SYN3: variants seen among roughly 807,000 people sequenced by gnomAD.
The protein encoded by SYN3 is synapsin-3.
A neutral mutation model predicts 65.8 loss-of-function variants in SYN3; 35 were observed. The observed-to-expected ratio is 0.53, with a 90% CI of 0.41 to 0.70. The LOEUF (loss-of-function observed/expected upper bound fraction) is 0.70, where lower values mean the gene tolerates loss of function less well. SYN3 is among the 30% of genes least tolerant of loss of function. The probability of loss-of-function intolerance (pLI) is 0.00; values close to 1 mark genes in which losing one functional copy is unlikely to be tolerated. For missense variants in SYN3, 680 were observed against 749.0 expected, an observed-to-expected ratio of 0.91 and a Z score of 1.08; for synonymous variants, 270 against 292.9, an observed-to-expected ratio of 0.92 and a Z score of 0.80.
At chr22:32,672,187 G>A (rs1044321403) in intron 6 of SYN3, among the ~76,000 whole-genome samples, 5 of 152,106 alleles carry the variant, frequency 3.3e-5, no homozygotes, top group Admixed American at 6.5e-5. Flanking sequence ...GATCCCCAGG[G>A]AGCTGCATTT....
intron 6 of SYN3, among the ~76,000 whole-genome samples, chr22:32,722,896 T>A (rs28413977): frequency 0.27 from 41,264 of 152,098 alleles, 6,095 homozygotes; most frequent in Middle Eastern, 0.39. Context: ...ATGGGAATAA[T>A]AATAAAAGCC....
At chr22:32,858,569 A>G (rs1165608685) in intron 6 of SYN3, among the ~76,000 whole-genome samples, 1 of 152,166 alleles carries the variant, frequency 6.6e-6, no homozygotes, top group Non-Finnish European at 1.5e-5. Flanking sequence ...ACCAGATGCT[A>G]CAGAAGGTCT....
intron 1 of SYN3, among the ~76,000 whole-genome samples, chr22:33,052,315 C>A (rs1020160184): frequency 6.6e-6 from 1 of 152,150 alleles, no homozygotes; most frequent in Admixed American, 6.5e-5. Context: ...GGGCTGTGCC[C>A]GTCCCCGGTG....
At chr22:32,832,851 C>G (rs1318045614) in intron 6 of SYN3, among the ~76,000 whole-genome samples, 1 of 152,018 alleles carries the variant, frequency 6.6e-6, no homozygotes, top group Non-Finnish European at 1.5e-5. Context: ...CCTCAGCCTC[C>G]CAAGTAGCTG....
chr22:32,757,330 T>C (rs1237124646), intron 6 of SYN3, among the ~76,000 whole-genome samples: 1 of 149,066 alleles, frequency 6.7e-6, no homozygotes, highest in African/African-American at 2.5e-5. Flanking sequence ...GGAGTTTTGC[T>C]CTTCTTGCCC....
intron 6 of SYN3, among the ~76,000 whole-genome samples, chr22:32,761,496 C>T (rs973978639): frequency 6.6e-6 from 1 of 152,214 alleles, no homozygotes; most frequent in African/African-American, 2.4e-5. Flanking sequence ...GGGGGGACAA[C>T]AGCAAGGTCA....
chr22:33,025,917 G>T (rs1394917982), intron 1 of SYN3, among the ~76,000 whole-genome samples: 1 of 152,138 alleles, frequency 6.6e-6, no homozygotes, highest in African/African-American at 2.4e-5. Flanking sequence ...ATAGTGACCA[G>T]TTTTGAACCA....
intron 10 of SYN3, among the ~76,000 whole-genome samples, chr22:32,530,952 G>A (rs950709166): frequency 5.9e-5 from 9 of 151,758 alleles, no homozygotes; most frequent in Non-Finnish European, 1.2e-4. Flanking sequence ...AGGTTGCAGT[G>A]AGCCAAGTTG....
chr22:33,008,486 C>T (rs1457702178), intron 1 of SYN3, among the ~76,000 whole-genome samples: 3 of 152,120 alleles, frequency 2.0e-5, no homozygotes, highest in Admixed American at 6.5e-5. Context: ...ATATATTATG[C>T]TTTTGTTAAT....
intron 6 of SYN3, among the ~76,000 whole-genome samples, chr22:32,615,394 A>T (rs1298368764): frequency 3.6e-5 from 5 of 139,202 alleles, no homozygotes; most frequent in Non-Finnish European, 6.0e-5. Context: ...AGGTTGTGTC[A>T]CTGCACTCCG....
intron 6 of SYN3, among the ~76,000 whole-genome samples, chr22:32,623,379 A>T (rs934878586): frequency 6.6e-6 from 1 of 152,050 alleles, no homozygotes; most frequent in Non-Finnish European, 1.5e-5. Context: ...TATTTTTTGT[A>T]GTGATGGGGT....
In SYN3 at chr22:32,508,277, A is replaced by T. The variant is rs1346361567; in HGVS notation, c.*5415T>A. Among the ~76,000 whole-genome samples, 1 of 152,082 alleles carries T rather than the reference A, an allele frequency of 6.6e-6. No individual in the cohort carries two copies. The highest frequency in any genetic ancestry group is 1.5e-5 in the Non-Finnish European group (1 of 68,018). The stretch of plus-strand genomic sequence containing the variant: ...GTAAATTTCCTTCTTCTGGCTCAGA[A>T]GCTCCCGCACTGAGCACCTTGTGAC... On this transcript the variant is annotated 3_prime_UTR_variant, in exon 14 of 14. Transcript: ENST00000358763.
intron 1 of SYN3, among the ~76,000 whole-genome samples, chr22:33,028,840 A>G (rs539393022): frequency 3.5e-4 from 53 of 152,222 alleles, no homozygotes; most frequent in South Asian, 6.2e-4. Flanking sequence ...GGAGATCGAG[A>G]CCATCCTGGC....
intron 3 of SYN3, among the ~76,000 whole-genome samples, chr22:32,963,715 C>T (rs1396086848): frequency 2.0e-5 from 3 of 152,076 alleles, no homozygotes; most frequent in Admixed American, 6.6e-5. Context: ...GGTGAGAAAA[C>T]GAGGCTGGTG....
At chr22:32,536,535 C>G (rs2058168872) in intron 9 of SYN3, among the ~76,000 whole-genome samples, 1 of 152,218 alleles carries the variant, frequency 6.6e-6, no homozygotes, top group Non-Finnish European at 1.5e-5. Flanking sequence ...ACTCCAGTCT[C>G]CAGGGGTGCA....
chr22:32,757,622 C>T (rs1256449205), intron 6 of SYN3, among the ~76,000 whole-genome samples: 2 of 152,150 alleles, frequency 1.3e-5, no homozygotes, highest in Non-Finnish European at 2.9e-5. Context: ...TTTAAGTCCA[C>T]AAGCTAAGAA....
intron 1 of SYN3, among the ~76,000 whole-genome samples, chr22:33,018,219 T>C (rs566879217): frequency 7.9e-5 from 12 of 152,176 alleles, no homozygotes; most frequent in Non-Finnish European, 1.0e-4. Context: ...AGTGGGGAGC[T>C]GGATTATGTA....
chr22:33,008,468 G>T (rs1217704159), intron 1 of SYN3, among the ~76,000 whole-genome samples: 1 of 152,128 alleles, frequency 6.6e-6, no homozygotes, highest in Non-Finnish European at 1.5e-5. Flanking sequence ...TCATATAAAT[G>T]TAATCAAATA....
intron 2 of SYN3, among the ~76,000 whole-genome samples, chr22:32,986,341 T>C (rs1377557174): frequency 6.6e-6 from 1 of 152,180 alleles, no homozygotes; most frequent in Non-Finnish European, 1.5e-5. Context: ...CACTTTGCAC[T>C]ACACCAATAC....
Sources: allele counts gnomAD v4.1 joint callset (sites outside exome capture counted in the v4.1 genomes callset), GRCh38; gene constraint gnomAD v4.1.1; transcripts MANE v1.5; gene names NCBI Gene and HGNC (gene_info 2026-07-23, HGNC 2026-07-21).